KCMF1: variants seen among roughly 807,000 people sequenced by gnomAD.
The protein encoded by KCMF1 is potassium channel modulatory factor 1, also known as E3 ubiquitin-protein ligase KCMF1.
A neutral mutation model predicts 41.1 loss-of-function variants in KCMF1; 3 were observed. That is an observed-to-expected ratio of 0.07 (90% CI 0.03 to 0.19). The LOEUF (loss-of-function observed/expected upper bound fraction) is 0.19, where lower values mean the gene tolerates loss of function less well. KCMF1 is among the 10% of genes least tolerant of loss of function. The pLI is 1.00. For missense variants in KCMF1, 286 were observed against 488.9 expected (o/e 0.58, Z 3.91); for synonymous variants, 142 against 164.5 (o/e 0.86, Z 1.04).
At chr2:85,033,992 A>T (rs1675347730) in intron 2 of KCMF1, among the ~76,000 whole-genome samples, 1 of 150,850 alleles carries the variant, frequency 6.6e-6, no homozygotes, top group Non-Finnish European at 1.5e-5. Flanking sequence ...AAACCAGCCT[A>T]GGCAACATGG....
intron 1 of KCMF1, among the ~76,000 whole-genome samples, chr2:85,021,490 T>C (rs2104018400): frequency 6.6e-6 from 1 of 152,020 alleles, no homozygotes. Context: ...GGTGTGGTGG[T>C]GGGCACCTGT....
In KCMF1 at chr2:85,055,899, T is replaced by C. The variant is rs1675917201; in HGVS notation, c.*2490T>C. ...TTTGTTTCGTTGAGTTTTGAGTGTC[T>C]AGGATATAAGTTTATAAATGTTCTA... On this transcript the variant is annotated 3_prime_UTR_variant, in exon 7 of 7. Transcript: ENST00000409785. 1 of 152,200 alleles carries C rather than the reference T, an allele frequency of 6.6e-6. No homozygotes were observed. The highest frequency in any genetic ancestry group is 2.4e-5 in the African/African-American group (1 of 41,458). The allele number at this position is 152,200 out of a possible 1,614,324, so 9.4% of individuals were successfully genotyped here.
intron 1 of KCMF1, among the ~76,000 whole-genome samples, chr2:84,991,991 A>G (rs955067515): frequency 3.9e-5 from 6 of 152,200 alleles, no homozygotes; most frequent in East Asian, 1.9e-4. Context: ...CACTTCTGCA[A>G]TGGATGAAAT....
At chr2:85,028,859 A>G (rs1324951487) in intron 2 of KCMF1, among the ~76,000 whole-genome samples, 1 of 152,210 alleles carries the variant, frequency 6.6e-6, no homozygotes, top group Admixed American at 6.5e-5. Flanking sequence ...AAAACCATTC[A>G]GAAATATACA....
At chr2:84,998,655 C>T (rs2103986577) in intron 1 of KCMF1, among the ~76,000 whole-genome samples, 1 of 148,972 alleles carries the variant, frequency 6.7e-6, no homozygotes, top group Non-Finnish European at 1.5e-5. Context: ...GGCTGGAGTG[C>T]AGTGATACGT....
intron 3 of KCMF1, among the ~76,000 whole-genome samples, chr2:85,037,386 G>T (rs766971946): frequency 4.6e-5 from 7 of 152,182 alleles, no homozygotes; most frequent in Non-Finnish European, 8.8e-5. Flanking sequence ...TAGAGGCAGG[G>T]CTGGCATTCA....
In KCMF1 at chr2:85,056,890, A is replaced by T. The variant is rs921662338; in HGVS notation, c.*3481A>T. On this transcript the variant is annotated 3_prime_UTR_variant, in exon 7 of 7. Coordinates refer to ENST00000409785, the MANE Select transcript of KCMF1 (RefSeq NM_020122.5). ...ATTGGTTTCATGTGCAGTAAAAATT[A>T]AAACACGGCTGAGCGTGGTGGCTCA... 1 of 152,262 alleles carries T rather than the reference A, an allele frequency of 6.6e-6. No individual in the cohort carries two copies. Among genetic ancestry groups the T allele is most frequent in the African/African-American group, 2.4e-5 (1 of 41,478 alleles). 9.4% of individuals were successfully genotyped at this position (152,262 alleles called of 1,614,324 possible). A position where few individuals can be genotyped will look rare whatever the true frequency, so the allele number is the denominator to read the frequency against.
At chr2:85,007,101 C>CAA (rs764401140) in intron 1 of KCMF1, among the ~76,000 whole-genome samples, 87 of 51,662 alleles carry the variant, frequency 1.7e-3, no homozygotes, top group Middle Eastern at 0.01. Flanking sequence ...AACTCAGTCT[C>CAA]AAAAAAAAAA....
chr2:85,003,427 A>G (rs1674382368), intron 1 of KCMF1, among the ~76,000 whole-genome samples: 1 of 152,034 alleles, frequency 6.6e-6, no homozygotes, highest in Admixed American at 6.6e-5. Flanking sequence ...GCAGTGAGCC[A>G]AGATCGTGCC....
intron 1 of KCMF1, among the ~76,000 whole-genome samples, chr2:84,993,213 GA>G (rs891650169): frequency 3.4e-4 from 51 of 151,418 alleles, no homozygotes; most frequent in Non-Finnish European, 4.6e-4. Context: ...AAAGAAACAG[GA>G]AAAAAACAAA....
chr2:85,011,272 C>G (rs1333261903), intron 1 of KCMF1, among the ~76,000 whole-genome samples: 1 of 152,140 alleles, frequency 6.6e-6, no homozygotes, highest in Admixed American at 6.5e-5. Flanking sequence ...CTAGATGATT[C>G]ATTTTAGAAC....
intron 1 of KCMF1, among the ~76,000 whole-genome samples, chr2:84,994,108 C>T (rs545286082): frequency 4.7e-4 from 72 of 151,790 alleles, no homozygotes; most frequent in African/African-American, 1.7e-3. Flanking sequence ...CCACCATGCC[C>T]GGCTAATTTT....
intron 5 of KCMF1, among the ~76,000 whole-genome samples, chr2:85,047,084 C>T (rs1270991167): frequency 6.6e-6 from 1 of 152,134 alleles, no homozygotes; most frequent in African/African-American, 2.4e-5. Flanking sequence ...ATGCCCATTT[C>T]AGCCATTCAC....
At chr2:84,995,653 C>T (rs957943555) in intron 1 of KCMF1, among the ~76,000 whole-genome samples, 2 of 151,998 alleles carry the variant, frequency 1.3e-5, no homozygotes, top group South Asian at 4.1e-4. Context: ...CATTAGAATT[C>T]TTTTATAAAG....
At position 85,049,620 on chromosome 2, in the gene KCMF1, C is replaced by G. The variant is rs960720282; in HGVS notation, c.856C>G (p.Leu286Val). 2 of 1,613,156 alleles carry G rather than the reference C, an allele frequency of 1.2e-6. No homozygotes were observed. The highest frequency in any genetic ancestry group is 1.3e-5 in the African/African-American group (1 of 74,908). ...TAATACAGAAAGCAGTCAGCAGACTCTACAGAATTCCCAGTTTCTTTTAAC... is the reference window on the plus strand; with the variant it reads ...TAATACAGAAAGCAGTCAGCAGACTGTACAGAATTCCCAGTTTCTTTTAAC... ...IANTESSQQT[L>V]QNSQFLLTRL... Residue 286 changes from leucine (L) to valine (V), a missense_variant, in exon 6 of 7, where the codon CTA becomes GTA. By Grantham distance (32) the Leu-to-Val change is conservative. This residue lies in a region of KCMF1 where 191 missense variants were observed against 279.3 expected (regional missense o/e 0.68). Coordinates refer to ENST00000409785, the MANE Select transcript of KCMF1 (RefSeq NM_020122.5).
chr2:85,033,758 C>A (rs201005225), intron 2 of KCMF1, among the ~76,000 whole-genome samples: 1 of 152,120 alleles, frequency 6.6e-6, no homozygotes, highest in East Asian at 1.9e-4. Flanking sequence ...TTGGTGGGGA[C>A]AAACCATATT....
chr2:85,041,479 C>T (rs17710787), intron 3 of KCMF1, among the ~76,000 whole-genome samples: 1,626 of 152,210 alleles, frequency 0.011, 17 homozygotes, highest in Non-Finnish European at 0.017. Context: ...ATTTTTATGT[C>T]CCCTCAAGTA....
intron 1 of KCMF1, chr2:85,013,969 A>C (rs1414622581): frequency 6.6e-6 from 1 of 152,110 alleles, no homozygotes; most frequent in Non-Finnish European, 1.5e-5. Context: ...ATATATTATT[A>C]GCCGAGTATA....
At chr2:85,046,049 T>C in intron 4 of KCMF1, 55 bp from the exon 5 acceptor site, 1 of 1,428,796 alleles carries the variant, frequency 7.0e-7, no homozygotes, top group Non-Finnish European at 9.6e-7. Flanking sequence ...AGGACTCAGG[T>C]GATTTTTTTT....
Sources: gnomAD v4.1 joint callset for allele counts (sites outside exome capture counted in the v4.1 genomes callset) on GRCh38, gnomAD v4.1.1 for gene constraint, gnomAD v4.1.1 regional missense constraint, MANE v1.5 for transcripts, NCBI Gene and HGNC (gene_info 2026-07-23, HGNC 2026-07-21) for gene names.